Variants in COBL observed in about 807,000 individuals in gnomAD.
COBL encodes the protein protein cordon-bleu.
In COBL, 51 loss-of-function variants were observed where a neutral mutation model predicts 98.8. The observed-to-expected ratio is 0.52, with a 90% CI of 0.41 to 0.65. The LOEUF is 0.65. Among genes scored for constraint, COBL ranks in the 30% least tolerant of loss-of-function variants. The pLI, the probability that COBL is intolerant of heterozygous loss-of-function variation, is 0.00. For missense variants in COBL, 1,617 were observed against 1,617.5 expected, an observed-to-expected ratio of 1.00 and a Z score of 0.01; for synonymous variants, 634 against 651.7, an observed-to-expected ratio of 0.97 and a Z score of 0.41.
chr7:51,193,742 G>A (rs1790339183), intron 2 of COBL, among the ~76,000 whole-genome samples, 153 bp from the exon 3 acceptor site: 1 of 152,162 alleles, frequency 6.6e-6, no homozygotes, highest in Non-Finnish European at 1.5e-5. Context: ...AATTCCTTCT[G>A]CATGGTTGTA....
intron 6 of COBL, among the ~76,000 whole-genome samples, chr7:51,110,407 A>T (rs1471005757): frequency 6.6e-6 from 1 of 152,196 alleles, no homozygotes; most frequent in Admixed American, 6.5e-5. Context: ...AATGGCCTCC[A>T]GTTCCATCCA....
In COBL at chr7:51,069,837, C is replaced by T. The variant is rs956968311; in HGVS notation, c.1096+15329G>A. ...TGATAGATACTGACTATTCCATTTG[C>T]GTTTGGGTTTTATGTTTTGGTTATT... is the stretch of plus-strand genomic sequence containing the variant. On this transcript the variant is annotated intron_variant, in intron 7 of 12. Coordinates refer to ENST00000265136, the MANE Select transcript of COBL (RefSeq NM_015198.5). 2.6e-5 allele frequency among the ~76,000 whole-genome samples: 4 copies of T among 152,128 alleles called. No homozygotes were observed. The East Asian group carries it at 5.8e-4, about 22-fold the overall frequency.
intron 1 of COBL, among the ~76,000 whole-genome samples, chr7:51,296,396 G>C (rs946587488): frequency 3.3e-5 from 5 of 152,046 alleles, no homozygotes; most frequent in Non-Finnish European, 7.4e-5. Flanking sequence ...GTCCTAACAT[G>C]GGAGATGTTT....
At chr7:51,036,645 C>A (rs539361455) in intron 8 of COBL, among the ~76,000 whole-genome samples, 1 of 152,230 alleles carries the variant, frequency 6.6e-6, no homozygotes, top group African/African-American at 2.4e-5. Flanking sequence ...CTGCAGCCAT[C>A]ATCCCCAGCA....
chr7:51,259,099 C>A (rs1330616620), intron 1 of COBL, among the ~76,000 whole-genome samples: 1 of 152,014 alleles, frequency 6.6e-6, no homozygotes, highest in Non-Finnish European at 1.5e-5. Flanking sequence ...ACCAGCCTGA[C>A]CAACATGGTG....
At chr7:51,315,791 T>C (rs1415043130) in intron 1 of COBL, among the ~76,000 whole-genome samples, 3 of 151,904 alleles carry the variant, frequency 2.0e-5, no homozygotes, top group Middle Eastern at 3.2e-3. Flanking sequence ...AAATTACTCT[T>C]TCTGAGAGTC....
intron 2 of COBL, among the ~76,000 whole-genome samples, chr7:51,210,871 G>T (rs1792352976): frequency 6.6e-6 from 1 of 152,190 alleles, no homozygotes; most frequent in Non-Finnish European, 1.5e-5. Flanking sequence ...CAAACAGCCA[G>T]TTCTTTCTAG....
intron 6 of COBL, among the ~76,000 whole-genome samples, chr7:51,123,395 A>C (rs1797919040): frequency 6.6e-6 from 1 of 152,220 alleles, no homozygotes; most frequent in African/African-American, 2.4e-5. Flanking sequence ...AGAGTTCTAC[A>C]GAACAAGAGC....
intron 1 of COBL, among the ~76,000 whole-genome samples, chr7:51,295,982 C>T (rs1222714763): frequency 2.6e-5 from 4 of 152,186 alleles, no homozygotes; most frequent in Non-Finnish European, 5.9e-5. Flanking sequence ...TTAAGAACTG[C>T]TTCAGCAAAA....
At chr7:51,191,969 C>G (rs1308578075) in intron 3 of COBL, among the ~76,000 whole-genome samples, 1 of 152,184 alleles carries the variant, frequency 6.6e-6, no homozygotes, top group African/African-American at 2.4e-5. Context: ...AAAGACGGAA[C>G]CTACTGCTCC....
chr7:51,314,721 C>T (rs953426919), intron 1 of COBL, among the ~76,000 whole-genome samples: 9 of 152,104 alleles, frequency 5.9e-5, no homozygotes, highest in Non-Finnish European at 8.8e-5. Context: ...ATTTCTTGGA[C>T]AAAGATGTTC....
chr7:51,085,029 C>T, intron 7 of COBL, 137 bp downstream of exon 7: 2 of 1,255,982 alleles, frequency 1.6e-6, no homozygotes, highest in Admixed American at 2.1e-5. Context: ...TCTTTCCAGC[C>T]CTTCTTTCTT....
At chr7:51,208,244 G>A (rs1261133680) in intron 2 of COBL, among the ~76,000 whole-genome samples, 3 of 150,152 alleles carry the variant, frequency 2.0e-5, no homozygotes, top group Non-Finnish European at 4.4e-5. Context: ...CAGCCGCCCC[G>A]TCTGAGAAGT....
chr7:51,089,284 C>T (rs934472621), intron 6 of COBL, among the ~76,000 whole-genome samples: 3 of 151,982 alleles, frequency 2.0e-5, no homozygotes, highest in East Asian at 3.9e-4. Context: ...GAGGCTGAGG[C>T]GGGTGGATTA....
At chr7:51,254,409 A>G (rs190094269) in intron 1 of COBL, among the ~76,000 whole-genome samples, 6 of 152,382 alleles carry the variant, frequency 3.9e-5, no homozygotes, top group Non-Finnish European at 8.8e-5. Context: ...ATATAAGGGA[A>G]AACACACTAT....
At chr7:51,102,287 C>T (rs886261733) in intron 6 of COBL, among the ~76,000 whole-genome samples, 10 of 152,248 alleles carry the variant, frequency 6.6e-5, no homozygotes, top group East Asian at 1.9e-4. Flanking sequence ...GAAACAGTGA[C>T]GGATTTCTGG....
At chr7:51,302,759 T>C (rs1244288624) in intron 1 of COBL, among the ~76,000 whole-genome samples, 1 of 152,130 alleles carries the variant, frequency 6.6e-6, no homozygotes, top group African/African-American at 2.4e-5. Flanking sequence ...TAATTCACAA[T>C]TCTGGTAATA....
At chr7:51,188,720 G>A (rs918895187) in intron 4 of COBL, among the ~76,000 whole-genome samples, 2 of 152,192 alleles carry the variant, frequency 1.3e-5, no homozygotes, top group Non-Finnish European at 2.9e-5. Context: ...GCACCGGCTT[G>A]TTCTGCTCTG....
intron 7 of COBL, among the ~76,000 whole-genome samples, chr7:51,049,812 C>T (rs1038438619): frequency 1.3e-5 from 2 of 152,186 alleles, no homozygotes; most frequent in African/African-American, 4.8e-5. Flanking sequence ...TGCAAATGTT[C>T]AGGAGGCACG....
Sources: allele counts gnomAD v4.1 joint callset (sites outside exome capture counted in the v4.1 genomes callset), GRCh38; gene constraint gnomAD v4.1.1; transcripts MANE v1.5; gene names NCBI Gene and HGNC (gene_info 2026-07-23, HGNC 2026-07-21).